Variants in UBXN4 observed in about 807,000 individuals in gnomAD.
The protein encoded by UBXN4 is UBX domain protein 4, also known as UBX domain-containing protein 4.
In UBXN4, 35 loss-of-function variants were observed where a neutral mutation model predicts 66.2. The observed-to-expected ratio is 0.53, with a 90% CI of 0.40 to 0.70. UBXN4 has a LOEUF of 0.70. Among genes scored for constraint, UBXN4 ranks in the 30% least tolerant of loss-of-function variants. The probability of loss-of-function intolerance (pLI) is 0.00; values close to 1 mark genes in which losing one functional copy is unlikely to be tolerated. For synonymous variants in UBXN4, 203 were observed against 204.5 expected, an observed-to-expected ratio of 0.99 and a Z score of 0.06; for missense variants, 533 against 599.8, an observed-to-expected ratio of 0.89 and a Z score of 1.16.
intron 5 of UBXN4, among the ~76,000 whole-genome samples, chr2:135,760,498 ACT>A (rs900320221): frequency 1.3e-5 from 2 of 152,090 alleles, no homozygotes; most frequent in African/African-American, 4.8e-5. Flanking sequence ...AAGGCAGAGA[ACT>A]CTGTGACATA....
At chr2:135,776,883 C>T (rs931164251) in intron 10 of UBXN4, among the ~76,000 whole-genome samples, 5 of 152,202 alleles carry the variant, frequency 3.3e-5, no homozygotes, top group African/African-American at 9.6e-5. Flanking sequence ...CGTGAGCCAC[C>T]CAGCCCAGCC....
intron 1 of UBXN4, among the ~76,000 whole-genome samples, 176 bp downstream of exon 1, chr2:135,742,187 C>T: frequency 6.6e-6 from 1 of 152,192 alleles, no homozygotes; most frequent in East Asian, 1.9e-4. Flanking sequence ...GCCAGATCCC[C>T]CAGAGGGGCC....
Position 135,757,868 on chromosome 2 carries a change from A to C in UBXN4, c.508+2177A>C, listed in dbSNP as rs190354364. ...GAGGCCAAGGTGGGCAGATTGCTTA[A>C]GCCCAGGAGTTTGAGACCCGCCTGG... On this transcript the variant is annotated intron_variant, in intron 5 of 12. Coordinates refer to ENST00000272638, the MANE Select transcript of UBXN4 (RefSeq NM_014607.4). Among the ~76,000 whole-genome samples the C allele has an allele frequency of 1.3e-4, 19 of 151,940 alleles. No homozygotes were observed. In the East Asian group the frequency reaches 3.7e-3, roughly 29 times the overall value.
intron 2 of UBXN4, 96 bp from the exon 3 acceptor site, chr2:135,753,443 A>G: frequency 9.3e-7 from 1 of 1,073,716 alleles, no homozygotes; most frequent in Non-Finnish European, 1.3e-6. Context: ...TTGCAGGAAA[A>G]TACTTGTGAT....
chr2:135,781,409 C>T (rs758161676), intron 12 of UBXN4, among the ~76,000 whole-genome samples: 19 of 152,176 alleles, frequency 1.2e-4, no homozygotes, highest in Non-Finnish European at 2.6e-4. Flanking sequence ...ATGTAACTTA[C>T]TGAAATGGAC....
chr2:135,772,347 C>T (rs2077388144), intron 8 of UBXN4, 73 bp from the exon 9 acceptor site: 1 of 1,548,026 alleles, frequency 6.5e-7, no homozygotes. Flanking sequence ...AAATTCCATG[C>T]ATATTTGTTT....
At position 135,770,678 on chromosome 2, in the gene UBXN4, C is replaced by T; in HGVS notation, c.765C>T (p.Asn255=). ...ELTKRMLEER[N]REKAEDRAAR... ...CAAAAAGAATGCTGGAGGAAAGAAA[C>T]AGAGAGAAAGCAGAAGATAGGGCAG... Residue 255 remains asparagine, a synonymous_variant, in exon 8 of 13, where the codon AAC becomes AAT. Transcript: ENST00000272638. 2.5e-6 allele frequency: 4 copies of T among 1,577,950 alleles called. No individual in the cohort carries two copies. The highest frequency in any genetic ancestry group is 1.4e-5 in the African/African-American group (1 of 72,662).
intron 6 of UBXN4, among the ~76,000 whole-genome samples, chr2:135,765,528 A>G (rs2077341614): frequency 6.6e-6 from 1 of 152,194 alleles, no homozygotes; most frequent in Non-Finnish European, 1.5e-5. Flanking sequence ...TATGTTTAAA[A>G]TGGGCAGAAT....
rs1182526154 is a variant in UBXN4 at position 135,742,071 on chromosome 2, CT to C, written c.82+62del. 1.9e-6 allele frequency: 3 copies of C among 1,569,266 alleles called. No homozygotes were observed. In the African/African-American group the frequency reaches 4.1e-5, roughly 22 times the overall value. On this transcript the variant is annotated intron_variant, in intron 1 of 12. Transcript: ENST00000272638. ...CACCCCTCCGGCCTACCTTCATCCT[CT>C]TGTATACCTCAGCCGCCGGCCCGCC...
intron 9 of UBXN4, 47 bp downstream of exon 9, chr2:135,772,594 G>A (rs773615051): frequency 2.9e-5 from 46 of 1,606,412 alleles, no homozygotes; most frequent in Admixed American, 5.0e-5. Context: ...AGGGGCTGAG[G>A]AGAATGATTA....
intron 2 of UBXN4, among the ~76,000 whole-genome samples, chr2:135,753,150 A>ATTGT (rs2077256325): frequency 6.6e-6 from 1 of 150,730 alleles, no homozygotes; most frequent in Admixed American, 6.6e-5. Flanking sequence ...CAGCCTCCCA[A>ATTGT]GTAGCTGGGA....
chr2:135,767,638 GATTT>G (rs752212810), intron 6 of UBXN4, among the ~76,000 whole-genome samples: 3 of 152,100 alleles, frequency 2.0e-5, no homozygotes, highest in Non-Finnish European at 4.4e-5. Flanking sequence ...ACTCTACCTT[GATTT>G]ATTAATCCAT....
At chr2:135,754,569 C>T (rs554895860) in intron 4 of UBXN4, among the ~76,000 whole-genome samples, 23 of 151,930 alleles carry the variant, frequency 1.5e-4, no homozygotes, top group Admixed American at 9.2e-4. Context: ...GTGATCTGCC[C>T]GCCTCGGCCT....
intron 1 of UBXN4, among the ~76,000 whole-genome samples, chr2:135,747,278 G>A (rs1342631820): frequency 6.7e-6 from 1 of 149,874 alleles, no homozygotes; most frequent in Non-Finnish European, 1.5e-5. Context: ...AACCCGGGAG[G>A]CAGAGATTGC....
chr2:135,766,113 A>G (rs1383390018), intron 6 of UBXN4, among the ~76,000 whole-genome samples: 4 of 151,736 alleles, frequency 2.6e-5, no homozygotes, highest in Non-Finnish European at 5.9e-5. Context: ...AGATTATGCC[A>G]TTGCACTCCA....
intron 8 of UBXN4, among the ~76,000 whole-genome samples, chr2:135,771,937 G>A (rs568028679): frequency 2.0e-5 from 3 of 152,088 alleles, no homozygotes; most frequent in Admixed American, 6.6e-5. Flanking sequence ...TCATTTCCTT[G>A]TTTCCTTAAT....
At chr2:135,767,859 G>A (rs558287920) in intron 6 of UBXN4, among the ~76,000 whole-genome samples, 2 of 152,122 alleles carry the variant, frequency 1.3e-5, no homozygotes, top group Non-Finnish European at 2.9e-5. Context: ...CCCCTTAGCA[G>A]TTAAGACATG....
At chr2:135,771,960 C>T (rs1366848678) in intron 8 of UBXN4, among the ~76,000 whole-genome samples, 1 of 152,110 alleles carries the variant, frequency 6.6e-6, no homozygotes, top group African/African-American at 2.4e-5. Context: ...TAATTCTGGT[C>T]TCCGACAGTT....
chr2:135,752,094 C>CTGGAG (rs1040405131), intron 2 of UBXN4, among the ~76,000 whole-genome samples: 1 of 151,976 alleles, frequency 6.6e-6, no homozygotes, highest in African/African-American at 2.4e-5. Flanking sequence ...GTACCCTGAG[C>CTGGAG]TGGAGTGCAA....
Sources: gnomAD v4.1 joint callset for allele counts (sites outside exome capture counted in the v4.1 genomes callset) on GRCh38, gnomAD v4.1.1 for gene constraint, MANE v1.5 for transcripts, NCBI Gene and HGNC (gene_info 2026-07-23, HGNC 2026-07-21) for gene names.